PALD1: variants seen among roughly 807,000 people sequenced by gnomAD.
PALD1 encodes the protein paladin.
A neutral mutation model predicts 96.0 loss-of-function variants in PALD1; 57 were observed. That is an observed-to-expected ratio of 0.59 (90% confidence interval 0.48 to 0.74). The LOEUF (loss-of-function observed/expected upper bound fraction) is 0.74. Ranked by LOEUF, PALD1 falls within the 30% of genes least tolerant of loss-of-function variation. The pLI is 0.00. For synonymous variants in PALD1, 464 were observed against 473.6 expected (o/e 0.98, Z 0.26); for missense variants, 1,063 against 1,143.7 (o/e 0.93, Z 1.02).
At chr10:70,498,495 G>T (rs1039599288) in intron 1 of PALD1, among the ~76,000 whole-genome samples, 1 of 151,592 alleles carries the variant, frequency 6.6e-6, no homozygotes, top group African/African-American at 2.4e-5. Context: ...GCCCAGGCTG[G>T]TATCAAACTC....
the PALD1 span, among the ~76,000 whole-genome samples, chr10:70,465,885 C>T: frequency 6.6e-6 from 1 of 152,324 alleles, no homozygotes; most frequent in East Asian, 1.9e-4. Flanking sequence ...CCTGAGGCCC[C>T]AGTTTCGTGG....
Position 70,532,671 on chromosome 10 carries a change from C to T in PALD1, c.684C>T (p.Asn228=), listed in dbSNP as rs1847017772. 1.2e-6 allele frequency: 2 copies of T among 1,614,110 alleles called. No individual in the cohort carries two copies. Among genetic ancestry groups the T allele is most frequent in the Non-Finnish European group, 8.5e-7 (1 of 1,180,034 alleles). ...AGAACACATACCATGTGTACCATAA[C>T]ACCGAGGACCTGTGGGGGGAGCCCC... ...LSENTYHVYH[N]TEDLWGEPHA... is the part of the protein sequence containing the mutation. The change falls in exon 6 of 20, where the codon AAC becomes AAT. Residue 228 remains asparagine, a synonymous_variant. Transcript: ENST00000263563.
chr10:70,480,062 C>A (rs1845902214), intron 1 of PALD1, among the ~76,000 whole-genome samples: 1 of 152,232 alleles, frequency 6.6e-6, no homozygotes. Flanking sequence ...CAGCAGAGAT[C>A]CAGTTCCATG....
At chr10:70,560,964 G>A (rs1038255288) in intron 18 of PALD1, among the ~76,000 whole-genome samples, 1 of 152,104 alleles carries the variant, frequency 6.6e-6, no homozygotes, top group Non-Finnish European at 1.5e-5. Flanking sequence ...AGGAAACCAG[G>A]GCCTTGATAG....
intron 1 of PALD1, among the ~76,000 whole-genome samples, chr10:70,501,927 CT>C (rs201466034): frequency 0.012 from 1,787 of 145,028 alleles, 10 homozygotes; most frequent in East Asian, 0.033. Flanking sequence ...CCTGTAGTGT[CT>C]TTTTTTTTTT....
At chr10:70,484,911 A>AT (rs1237688051) in intron 1 of PALD1, among the ~76,000 whole-genome samples, 1 of 152,268 alleles carries the variant, frequency 6.6e-6, no homozygotes, top group East Asian at 1.9e-4. Flanking sequence ...CACACATAGT[A>AT]TTGCTAAGCA....
upstream of PALD1, among the ~76,000 whole-genome samples, chr10:70,474,121 A>G (rs1361749542): frequency 6.6e-6 from 1 of 152,110 alleles, no homozygotes; most frequent in Non-Finnish European, 1.5e-5. Context: ...CAGGCCCTTA[A>G]GTGGTCCTGT....
At chr10:70,519,395 T>C (rs7099027) in intron 1 of PALD1, among the ~76,000 whole-genome samples, 22,928 of 152,092 alleles carry the variant, frequency 0.15, 2,110 homozygotes, top group Admixed American at 0.22. Context: ...ACTTTTTCAT[T>C]GATCTTGCCT....
At chr10:70,487,130 ATT>A (rs10669002) in intron 1 of PALD1, among the ~76,000 whole-genome samples, 1 of 110,420 alleles carries the variant, frequency 9.1e-6, no homozygotes, top group African/African-American at 3.5e-5. Context: ...TCTGAGCCCA[ATT>A]TTTTTTTTTT....
the PALD1 span, among the ~76,000 whole-genome samples, chr10:70,460,114 T>C: frequency 6.6e-6 from 1 of 152,206 alleles, no homozygotes; most frequent in Non-Finnish European, 1.5e-5. Context: ...TTAGCTTTCG[T>C]GCGGCTAAGC....
chr10:70,475,168 AG>A (rs1845806869), upstream of PALD1, among the ~76,000 whole-genome samples: 1 of 152,220 alleles, frequency 6.6e-6, no homozygotes, highest in African/African-American at 2.4e-5. Context: ...CTTGTAGCAT[AG>A]GGGTCACATG....
intron 1 of PALD1, among the ~76,000 whole-genome samples, chr10:70,493,603 C>G (rs1398896183): frequency 6.6e-6 from 1 of 152,220 alleles, no homozygotes; most frequent in Non-Finnish European, 1.5e-5. Context: ...CACTGCACAC[C>G]CACTTCCCCC....
At chr10:70,464,109 G>A in the PALD1 span, among the ~76,000 whole-genome samples, 1 of 152,064 alleles carries the variant, frequency 6.6e-6, no homozygotes, top group Non-Finnish European at 1.5e-5. Context: ...CCTCACCCAC[G>A]GGCTGCTCTT....
At chr10:70,534,186 C>T in intron 8 of PALD1, 113 bp downstream of exon 8, 1 of 1,261,978 alleles carries the variant, frequency 7.9e-7, no homozygotes, top group East Asian at 2.6e-5. Context: ...GGAAATTTGG[C>T]ATCTGGGGTT....
chr10:70,494,054 C>A (rs757526215), intron 1 of PALD1, among the ~76,000 whole-genome samples: 1 of 152,158 alleles, frequency 6.6e-6, no homozygotes, highest in African/African-American at 2.4e-5. Flanking sequence ...TTGTCACAGC[C>A]GCACCGGCTA....
chr10:70,497,054 C>G (rs1006890839), intron 1 of PALD1, among the ~76,000 whole-genome samples: 10 of 152,322 alleles, frequency 6.6e-5, no homozygotes, highest in Admixed American at 5.9e-4. Context: ...AAGCAGCAGT[C>G]TTCTCTGCCT....
chr10:70,541,214 T>C lies in PALD1; in HGVS notation c.2021T>C (p.Val674Ala), dbSNP rs541781907. The C allele has an allele frequency of 6.2e-7, 1 of 1,611,108 alleles. No individual in the cohort carries two copies. The highest frequency in any genetic ancestry group is 1.1e-5 in the South Asian group (1 of 90,578). ...GGCCGTACCACAACTGCGATGGTGG[T>C]GGCTGTCCTGGCCTTCTGGCACATC... ...GQGRTTTAMV[V>A]AVLAFWHIQG... The change falls in exon 16 of 20, where the codon GTG becomes GCG. Residue 674 changes from valine (V) to alanine (A), a missense_variant. Val to Ala is a moderately conservative substitution (Grantham distance 64). Transcript: ENST00000263563.
intron 1 of PALD1, among the ~76,000 whole-genome samples, chr10:70,486,597 C>T (rs1846019842): frequency 6.6e-6 from 1 of 152,036 alleles, no homozygotes; most frequent in Non-Finnish European, 1.5e-5. Context: ...CCCATCTCTA[C>T]TAATAATACA....
At position 70,552,142 on chromosome 10, in the gene PALD1, G is replaced by A. The variant is rs183666199; in HGVS notation, c.2262+4696G>A. 1.1e-3 allele frequency among the ~76,000 whole-genome samples: 161 copies of A among 152,324 alleles called. No homozygotes were observed. The Middle Eastern group carries it at 0.017, about 16-fold the overall frequency. On this transcript the variant is annotated intron_variant, in intron 18 of 19. Transcript: ENST00000263563. The stretch of plus-strand genomic sequence containing the variant: ...AGTAGGGACCGGTGATGAAAGGTGC[G>A]CAGAGCTGACGTTCTCGTAGGGCAG...
Sources: allele counts gnomAD v4.1 joint callset (sites outside exome capture counted in the v4.1 genomes callset), GRCh38; gene constraint gnomAD v4.1.1; transcripts MANE v1.5; gene names NCBI Gene and HGNC (gene_info 2026-07-23, HGNC 2026-07-21).